The following MAP3K15 variants were observed in gnomAD, a reference collection of about 807,000 sequenced individuals.
The protein encoded by MAP3K15 is MAPK/ERK kinase kinase 15.
MAP3K15 carries 124 observed loss-of-function variants against 99.5 expected under a neutral mutation model. That is an observed-to-expected ratio of 1.25 (90% CI 1.08 to 1.45). The LOEUF is 1.45. MAP3K15 is among the 40% of genes most tolerant of loss of function. The pLI is 0.00. For synonymous variants in MAP3K15, 494 were observed against 439.6 expected (o/e 1.12, Z -1.55); for missense variants, 1,242 against 1,079.7 (o/e 1.15, Z -2.11).
At chrX:19,493,962 G>C (rs2064384312) in intron 1 of MAP3K15, among the ~76,000 whole-genome samples, 1 of 110,714 alleles carries the variant, frequency 9.0e-6, no homozygotes. Context: ...TAAATCTTAA[G>C]CAAAAAGATC....
intron 15 of MAP3K15, among the ~76,000 whole-genome samples, chrX:19,395,508 G>C (rs1361912961): frequency 9.0e-6 from 1 of 111,169 alleles, no homozygotes; most frequent in African/African-American, 3.3e-5. Flanking sequence ...TTTCGGGCCT[G>C]AACCCACCAA....
chrX:19,393,760 C>CTTTTTTTTTTTTT (rs761246318), intron 16 of MAP3K15, among the ~76,000 whole-genome samples: 5 of 60,245 alleles, frequency 8.3e-5, no homozygotes, highest in African/African-American at 3.8e-4. Context: ...CTGCCTGGCT[C>CTTTTTTTTTTTTT]TTTTTTTTTT....
At chrX:19,454,764 A>G (rs1215426412) in intron 6 of MAP3K15, among the ~76,000 whole-genome samples, 1 of 112,206 alleles carries the variant, frequency 8.9e-6, no homozygotes, top group Non-Finnish European at 1.9e-5. Context: ...CCAGTTAGGT[A>G]TCTCTTATCC....
chrX:19,459,185 C>T (rs1304396475), intron 5 of MAP3K15, among the ~76,000 whole-genome samples: 1 of 111,760 alleles, frequency 8.9e-6, no homozygotes, highest in African/African-American at 3.2e-5. Flanking sequence ...ACAAGGACAA[C>T]GGAGCATCAG....
At chrX:19,492,197 C>T (rs1408974113) in intron 1 of MAP3K15, among the ~76,000 whole-genome samples, 3 of 109,755 alleles carry the variant, frequency 2.7e-5, no homozygotes, top group Non-Finnish European at 3.8e-5. Context: ...ATGAAATCTC[C>T]ATACCTCCCA....
chrX:19,360,449 G>A lies in MAP3K15; in HGVS notation c.*300C>T, dbSNP rs1245328091. On this transcript the variant is annotated 3_prime_UTR_variant, in exon 29 of 29. Coordinates refer to ENST00000338883, the MANE Select transcript of MAP3K15 (RefSeq NM_001001671.4). ...CTCACTGCAGCCTCCACACCTCCTG[G>A]GCTCAAGCAATCCTCCCACCTCAGC... is the stretch of plus-strand genomic sequence containing the variant. 8.5e-6 allele frequency: 2 copies of A among 233,961 alleles called. No individual in the cohort carries two copies. The highest frequency in any genetic ancestry group is 7.7e-6 in the Non-Finnish European group (1 of 130,449). 19.3% of individuals were successfully genotyped at this position (233,961 alleles called of 1,213,427 possible).
chrX:19,361,127 T>C, intron 28 of MAP3K15: 1 of 424,526 alleles, frequency 2.4e-6, no homozygotes. Flanking sequence ...CAGGCATTAA[T>C]GGCAGGAGAT....
At chrX:19,360,866 G>C in intron 28 of MAP3K15, 33 bp from the exon 29 acceptor site, 1 of 1,084,293 alleles carries the variant, frequency 9.2e-7, no homozygotes, top group Non-Finnish European at 1.3e-6. Flanking sequence ...TTCAGAGTCA[G>C]TGCTTCAAGC....
Position 19,407,245 on chromosome X carries a change from A to G in MAP3K15, c.1787T>C (p.Val596Ala), listed in dbSNP as rs41311501. 1,072 of 1,196,542 alleles carry G rather than the reference A, an allele frequency of 9.0e-4. 1 individual carries two copies. The highest frequency in any genetic ancestry group is 1.1e-3 in the Non-Finnish European group (1,010 of 888,340). The change falls in exon 13 of 29, where the codon GTC (valine) becomes GCC (alanine). Residue 596 changes from valine (V) to alanine (A), a missense_variant. By Grantham distance (64) the Val-to-Ala change is moderately conservative. Coordinates refer to ENST00000338883, the MANE Select transcript of MAP3K15 (RefSeq NM_001001671.4). ...TTGAAAGTCATCAGAATTATCATGG[A>G]CATAAAGAAAACAACACCTTTCATC... ...KFDERCCFLYVHDNSDDFQIY... is the reference protein window; with the variant it reads ...KFDERCCFLYAHDNSDDFQIY...
At chrX:19,459,063 G>A (rs975445321) in intron 5 of MAP3K15, among the ~76,000 whole-genome samples, 1 of 111,307 alleles carries the variant, frequency 9.0e-6, no homozygotes, top group African/African-American at 3.3e-5. Context: ...ACATTCCCTG[G>A]GTCCTGAATG....
chrX:19,464,301 G>T lies in MAP3K15; in HGVS notation c.631C>A (p.Pro211Thr), dbSNP rs746625461. The T allele has an allele frequency of 2.5e-6, 3 of 1,199,733 alleles. No individual in the cohort carries two copies. In the East Asian group the frequency reaches 8.9e-5, roughly 35 times the overall value. Residue 211 changes from proline to threonine, a missense_variant, in exon 4 of 29, where the codon CCC (proline) becomes ACC (threonine). Transcript: ENST00000338883. ...AQRRASEYMQPNWDNILGPLC... is the reference protein window; with the variant it reads ...AQRRASEYMQTNWDNILGPLC... ...GGGCCCAGGATGTTGTCCCAGTTGGGCTGCATGTACTCGGAGGCTCGTCTC... is the reference window on the plus strand; with the variant it reads ...GGGCCCAGGATGTTGTCCCAGTTGGTCTGCATGTACTCGGAGGCTCGTCTC...
intron 12 of MAP3K15, among the ~76,000 whole-genome samples, chrX:19,408,880 G>T (rs1294732948): frequency 9.0e-6 from 1 of 110,960 alleles, no homozygotes; most frequent in Non-Finnish European, 1.9e-5. Flanking sequence ...ACTGTGTCCT[G>T]ATATTTTCCG....
chrX:19,362,467 T>G lies in MAP3K15; in HGVS notation c.3679+271A>C, dbSNP rs190597242. On this transcript the variant is annotated intron_variant, in intron 26 of 28. Transcript: ENST00000338883. ...CCAGGCTGGTCCTGAACTCCTGGGTTCAATTGATCTGCTAGCCTCAGCCTC... is the reference window on the plus strand; with the variant it reads ...CCAGGCTGGTCCTGAACTCCTGGGTGCAATTGATCTGCTAGCCTCAGCCTC... 1.3e-4 allele frequency among the ~76,000 whole-genome samples: 14 copies of G among 110,424 alleles called. No homozygotes were observed. The Admixed American group carries it at 1.4e-3, about 11-fold the overall frequency.
intron 6 of MAP3K15, among the ~76,000 whole-genome samples, chrX:19,435,186 A>G (rs925496626): frequency 1.8e-5 from 2 of 111,427 alleles, no homozygotes; most frequent in African/African-American, 6.5e-5. Context: ...TGAAATATTC[A>G]TGATTCTGAA....
At chrX:19,437,636 T>C (rs2063930998) in intron 6 of MAP3K15, among the ~76,000 whole-genome samples, 1 of 112,146 alleles carries the variant, frequency 8.9e-6, no homozygotes. Context: ...ACTTACTGGC[T>C]ACCCTATCAC....
At chrX:19,372,614 G>A in intron 22 of MAP3K15, 39 bp downstream of exon 22, 1 of 1,169,672 alleles carries the variant, frequency 8.5e-7, no homozygotes, top group Non-Finnish European at 1.2e-6. Context: ...CCTGGGCAGA[G>A]GGAGCGGGAA....
At chrX:19,502,132 C>T (rs189072161) in intron 1 of MAP3K15, among the ~76,000 whole-genome samples, 44 of 110,104 alleles carry the variant, frequency 4.0e-4, no homozygotes, top group Non-Finnish European at 8.0e-4. Flanking sequence ...CATACAAAAG[C>T]CAACAGGGAG....
intron 1 of MAP3K15, among the ~76,000 whole-genome samples, chrX:19,505,824 G>A (rs1288972505): frequency 9.4e-6 from 1 of 105,851 alleles, no homozygotes; most frequent in Non-Finnish European, 1.9e-5. Flanking sequence ...TTGGCTCACT[G>A]CAATCTCTGC....
chrX:19,390,546 A>G (rs2063520825), intron 18 of MAP3K15, among the ~76,000 whole-genome samples: 1 of 104,725 alleles, frequency 9.5e-6, no homozygotes, highest in African/African-American at 3.4e-5. Flanking sequence ...TATATAACAT[A>G]TAATATATAA....
Sources: allele counts gnomAD v4.1 joint callset (sites outside exome capture counted in the v4.1 genomes callset), GRCh38; gene constraint gnomAD v4.1.1; transcripts MANE v1.5; gene names NCBI Gene and HGNC (gene_info 2026-07-23, HGNC 2026-07-21).